The following PDGFD variants were observed in gnomAD, a reference collection of about 807,000 sequenced individuals.
The protein encoded by PDGFD is platelet derived growth factor D.
PDGFD carries 30 observed loss-of-function variants against 44.7 expected under a neutral mutation model. The ratio of observed to expected loss-of-function variants is 0.67; its 90% confidence interval spans 0.50 to 0.91. PDGFD has a LOEUF of 0.91. PDGFD is among the 40% of genes least tolerant of loss of function. The probability of loss-of-function intolerance (pLI) is 0.00; values close to 1 mark genes in which losing one functional copy is unlikely to be tolerated. For missense variants in PDGFD, 445 were observed against 457.8 expected, an observed-to-expected ratio of 0.97 and a Z score of 0.25; for synonymous variants, 173 against 168.4, an observed-to-expected ratio of 1.03 and a Z score of -0.21.
At position 103,996,085 on chromosome 11, in the gene PDGFD, T is replaced by C. The variant is rs568807570; in HGVS notation, c.490A>G (p.Lys164Glu). The stretch of plus-strand genomic sequence containing the variant: ...CTCACCAGCAAAGAATAATAAATCT[T>C]GAATCCAGGTTTAGCCACAAAGTAG... Reference protein sequence around the residue: ...DDYFVAKPGFKIYYSLLEDFQ... With the variant: ...DDYFVAKPGFEIYYSLLEDFQ... Residue 164 changes from lysine to glutamate, a missense_variant, in exon 3 of 7, where the codon AAG becomes GAG. Transcript: ENST00000393158. 1 of 1,613,354 alleles carries C rather than the reference T, an allele frequency of 6.2e-7. No individual in the cohort carries two copies. The highest frequency in any genetic ancestry group is 8.5e-7 in the Non-Finnish European group (1 of 1,179,670).
At chr11:103,998,406 A>T (rs1416230137) in intron 2 of PDGFD, among the ~76,000 whole-genome samples, 1 of 152,146 alleles carries the variant, frequency 6.6e-6, no homozygotes, top group Non-Finnish European at 1.5e-5. Flanking sequence ...GAGTTCAATC[A>T]CCAATGATTT....
chr11:103,908,583 C>T lies in PDGFD; in HGVS notation c.*1111G>A, dbSNP rs2134295367. Reference sequence around the variant, plus strand: ...TAGGTTGTAAATAATCTATGATGGCCTGCCAAATATAAAATGCCATTATAA... The same window carrying T: ...TAGGTTGTAAATAATCTATGATGGCTTGCCAAATATAAAATGCCATTATAA... On this transcript the variant is annotated 3_prime_UTR_variant, in exon 7 of 7. Transcript: ENST00000393158. 6.6e-6 allele frequency: 1 copy of T among 152,194 alleles called. No individual in the cohort carries two copies. Among genetic ancestry groups the T allele is most frequent in the South Asian group, 2.1e-4 (1 of 4,818 alleles). The allele number at this position is 152,194 out of a possible 1,614,324, so 9.4% of individuals were successfully genotyped here. A position where few individuals can be genotyped will look rare whatever the true frequency, so the allele number is the denominator to read the frequency against.
intron 1 of PDGFD, among the ~76,000 whole-genome samples, chr11:104,003,021 T>A (rs1385197713): frequency 6.6e-6 from 1 of 152,244 alleles, no homozygotes; most frequent in Non-Finnish European, 1.5e-5. Context: ...TATATATTCT[T>A]TCTTTACAGT....
intron 3 of PDGFD, among the ~76,000 whole-genome samples, chr11:103,948,235 T>G (rs547476600): frequency 3.8e-4 from 58 of 152,318 alleles, no homozygotes; most frequent in Non-Finnish European, 8.2e-4. Context: ...ATTGGTGATC[T>G]TTTCAACGAT....
At chr11:104,005,397 A>T (rs979240245) in intron 1 of PDGFD, among the ~76,000 whole-genome samples, 2 of 152,168 alleles carry the variant, frequency 1.3e-5, no homozygotes, top group African/African-American at 4.8e-5. Flanking sequence ...GTAATTGTGT[A>T]ATCCACTTCT....
At chr11:104,130,322 A>G (rs1861903136) in intron 1 of PDGFD, among the ~76,000 whole-genome samples, 1 of 152,134 alleles carries the variant, frequency 6.6e-6, no homozygotes, top group Admixed American at 6.6e-5. Flanking sequence ...ACTGGCCCCA[A>G]GGAAGAGCAG....
intron 1 of PDGFD, among the ~76,000 whole-genome samples, chr11:104,075,993 T>C (rs1860953056): frequency 6.6e-6 from 1 of 152,218 alleles, no homozygotes; most frequent in African/African-American, 2.4e-5. Context: ...CTGTAATCCC[T>C]ACCTGTCAAG....
At chr11:104,050,572 C>T (rs1046328003) in intron 1 of PDGFD, among the ~76,000 whole-genome samples, 70 of 152,258 alleles carry the variant, frequency 4.6e-4, no homozygotes, top group Non-Finnish European at 1.6e-4. Flanking sequence ...GGCAAGGCAC[C>T]AAACCTTTCT....
intron 3 of PDGFD, among the ~76,000 whole-genome samples, chr11:103,949,397 T>G (rs907350119): frequency 2.0e-5 from 3 of 152,212 alleles, no homozygotes; most frequent in African/African-American, 7.2e-5. Flanking sequence ...AAAAGGACAC[T>G]GAATTCCCAC....
In PDGFD at chr11:104,106,732, C is replaced by T. The variant is rs138894474; in HGVS notation, c.124+57072G>A. ...TCCATATGATCCTCAGTGACCCACG[C>T]CTTTGTATGATGCCTTTTTTTTTTT... On this transcript the variant is annotated intron_variant, in intron 1 of 6. Coordinates refer to ENST00000393158, the MANE Select transcript of PDGFD (RefSeq NM_025208.5). Among the ~76,000 whole-genome samples the T allele has an allele frequency of 3.2e-3, 485 of 151,298 alleles. 1 individual carries two copies. The highest frequency in any genetic ancestry group is 0.017 in the Middle Eastern group (5 of 288).
At chr11:103,965,487 C>T (rs1859004287) in intron 3 of PDGFD, among the ~76,000 whole-genome samples, 1 of 152,166 alleles carries the variant, frequency 6.6e-6, no homozygotes, top group South Asian at 2.1e-4. Flanking sequence ...TGTAAAAATT[C>T]CCCCTTGACA....
chr11:104,129,557 A>G (rs1241462159), intron 1 of PDGFD, among the ~76,000 whole-genome samples: 1 of 152,182 alleles, frequency 6.6e-6, no homozygotes, highest in Non-Finnish European at 1.5e-5. Context: ...TGCAGGGAGC[A>G]TTGTGCACCA....
intron 1 of PDGFD, among the ~76,000 whole-genome samples, chr11:104,020,659 C>T (rs1170022900): frequency 2.6e-5 from 4 of 152,064 alleles, no homozygotes; most frequent in East Asian, 3.9e-4. Context: ...AGAAAACAGA[C>T]ATTTTATACT....
At chr11:104,088,441 C>G (rs923731010) in intron 1 of PDGFD, among the ~76,000 whole-genome samples, 8 of 152,158 alleles carry the variant, frequency 5.3e-5, no homozygotes, top group Admixed American at 2.0e-4. Context: ...TTCATCCCTT[C>G]ATTCTGAGAA....
intron 2 of PDGFD, among the ~76,000 whole-genome samples, chr11:103,996,922 A>G (rs183068134): frequency 6.6e-6 from 1 of 152,306 alleles, no homozygotes; most frequent in East Asian, 1.9e-4. Context: ...CCATAAGTTC[A>G]CCTCTGGCAT....
At chr11:104,133,082 T>C (rs972576312) in intron 1 of PDGFD, among the ~76,000 whole-genome samples, 1 of 152,106 alleles carries the variant, frequency 6.6e-6, no homozygotes, top group Admixed American at 6.6e-5. Flanking sequence ...ATGTCACTTC[T>C]GTTACACCTC....
chr11:103,912,624 T>A (rs1858047274), intron 6 of PDGFD, among the ~76,000 whole-genome samples: 1 of 152,090 alleles, frequency 6.6e-6, no homozygotes, highest in African/African-American at 2.4e-5. Flanking sequence ...AATTCACACA[T>A]AATAATATTA....
At chr11:104,025,420 CACAATGGAT>C (rs1428789757) in intron 1 of PDGFD, among the ~76,000 whole-genome samples, 1 of 152,186 alleles carries the variant, frequency 6.6e-6, no homozygotes, top group Non-Finnish European at 1.5e-5. Flanking sequence ...ACAAACACAA[CACAATGGAT>C]ACAATGGATA....
chr11:104,127,844 G>C (rs998995694), intron 1 of PDGFD, among the ~76,000 whole-genome samples: 1 of 152,088 alleles, frequency 6.6e-6, no homozygotes, highest in African/African-American at 2.4e-5. Flanking sequence ...GAAATGTATG[G>C]AACTTCTCTT....
Sources: allele counts gnomAD v4.1 joint callset (sites outside exome capture counted in the v4.1 genomes callset), GRCh38; gene constraint gnomAD v4.1.1; transcripts MANE v1.5; gene names NCBI Gene and HGNC (gene_info 2026-07-23, HGNC 2026-07-21).